Variants in PRKAG2 observed in about 807,000 individuals in gnomAD.
PRKAG2 encodes 5'-AMP-activated protein kinase subunit gamma-2.
A neutral mutation model predicts 69.6 loss-of-function variants in PRKAG2; 26 were observed. The ratio of observed to expected loss-of-function variants is 0.37; its 90% CI spans 0.27 to 0.52. PRKAG2 has a LOEUF of 0.52. Ranked by LOEUF, PRKAG2 falls within the 20% of genes least tolerant of loss-of-function variation. The pLI, the probability that PRKAG2 is intolerant of heterozygous loss-of-function variation, is 0.90. For missense variants in PRKAG2, 557 were observed against 740.0 expected (o/e 0.75, Z 2.87); for synonymous variants, 293 against 285.0 (o/e 1.03, Z -0.28).
At chr7:151,624,884 G>A (rs1202034208) in intron 5 of PRKAG2, among the ~76,000 whole-genome samples, 1 of 152,164 alleles carries the variant, frequency 6.6e-6, no homozygotes, top group Non-Finnish European at 1.5e-5. Context: ...AATGCCTTAT[G>A]TCTTTGTAAG....
At chr7:151,819,382 C>T (rs577144928) in intron 1 of PRKAG2, among the ~76,000 whole-genome samples, 1 of 152,328 alleles carries the variant, frequency 6.6e-6, no homozygotes, top group African/African-American at 2.4e-5. Context: ...CTTTTGTTGT[C>T]ATAGGCCACC....
rs531668181 is a variant in PRKAG2 at position 151,857,510 on chromosome 7, C to T, written c.114+18997G>A. On this transcript the variant is annotated intron_variant, in intron 1 of 15. Transcript: ENST00000287878. ...ACGCATTTTCTCGGGTTGCATGCTGCCTTCCGGCACCATCTGTCTGTTCAG... is the reference window on the plus strand; with the variant it reads ...ACGCATTTTCTCGGGTTGCATGCTGTCTTCCGGCACCATCTGTCTGTTCAG... Among the ~76,000 whole-genome samples, 7 of 152,342 alleles carry T rather than the reference C, an allele frequency of 4.6e-5. No individual in the cohort carries two copies. In the South Asian group the frequency reaches 1.0e-3, roughly 23 times the overall value.
intron 3 of PRKAG2, among the ~76,000 whole-genome samples, chr7:151,724,702 C>T (rs1226713843): frequency 6.6e-6 from 1 of 152,168 alleles, no homozygotes; most frequent in African/African-American, 2.4e-5. Flanking sequence ...AGCTTGCACA[C>T]TCCCTAGCCG....
intron 1 of PRKAG2, among the ~76,000 whole-genome samples, chr7:151,843,625 T>C (rs1432477652): frequency 3.3e-5 from 5 of 152,226 alleles, no homozygotes; most frequent in Non-Finnish European, 1.5e-5. Context: ...GTGTTTGTTC[T>C]AGGATCTGGT....
chr7:151,698,499 T>G (rs1285421142), intron 3 of PRKAG2, among the ~76,000 whole-genome samples: 1 of 152,104 alleles, frequency 6.6e-6, no homozygotes, highest in Non-Finnish European at 1.5e-5. Flanking sequence ...CTCGTGGTAG[T>G]GAATGAGTTC....
chr7:151,861,527 C>CAA (rs1563762540), intron 1 of PRKAG2, among the ~76,000 whole-genome samples: 611 of 60,362 alleles, frequency 0.01, 21 homozygotes, highest in Non-Finnish European at 0.013. Flanking sequence ...GACTCTGTCT[C>CAA]CAAAAAAAAA....
intron 6 of PRKAG2, among the ~76,000 whole-genome samples, chr7:151,584,745 T>A (rs1362737287): frequency 6.6e-6 from 1 of 151,850 alleles, no homozygotes; most frequent in Admixed American, 6.6e-5. Flanking sequence ...AAAAATAAAA[T>A]AATTAACTGA....
At chr7:151,579,759 G>A (rs1344946235) in intron 6 of PRKAG2, among the ~76,000 whole-genome samples, 5 of 151,988 alleles carry the variant, frequency 3.3e-5, no homozygotes, top group Admixed American at 1.3e-4. Context: ...ACCTAAGCAC[G>A]TCATAGACAA....
chr7:151,742,634 A>AT (rs1293148562), intron 3 of PRKAG2, among the ~76,000 whole-genome samples: 3 of 150,212 alleles, frequency 2.0e-5, no homozygotes, highest in Non-Finnish European at 3.0e-5. Context: ...ACAAAAAAAA[A>AT]AAAAATAAAA....
chr7:151,851,341 C>CAA lies in PRKAG2; in HGVS notation c.114+25164_114+25165dup, dbSNP rs968504142. ...AGACTGGCGAGTTTGGGGCCTCTGGCAAAAAAAAAAAAGAAAAAAAAAAAT... is the reference window on the plus strand; with the variant it reads ...AGACTGGCGAGTTTGGGGCCTCTGGCAAAAAAAAAAAAAAGAAAAAAAAAAAT... On this transcript the variant is annotated intron_variant, in intron 1 of 15. Coordinates refer to ENST00000287878, the MANE Select transcript of PRKAG2 (RefSeq NM_016203.4). Among the ~76,000 whole-genome samples the CAA allele has an allele frequency of 4.1e-3, 467 of 114,568 alleles. 2 individuals carry two copies. The highest frequency in any genetic ancestry group is 0.015 in the African/African-American group (438 of 29,786). 75.2% of individuals were successfully genotyped at this position (114,568 alleles called of 152,430 possible).
At chr7:151,793,105 C>T (rs1303140642) in intron 1 of PRKAG2, among the ~76,000 whole-genome samples, 2 of 152,212 alleles carry the variant, frequency 1.3e-5, no homozygotes, top group Non-Finnish European at 2.9e-5. Context: ...CTGAAGCGGA[C>T]AACAATAGGC....
At chr7:151,808,812 A>T (rs1022312511) in intron 1 of PRKAG2, among the ~76,000 whole-genome samples, 1 of 152,064 alleles carries the variant, frequency 6.6e-6, no homozygotes, top group African/African-American at 2.4e-5. Context: ...GCAGCCAGGG[A>T]GGAGCAGCTG....
chr7:151,609,125 A>C (rs919932522), intron 5 of PRKAG2, among the ~76,000 whole-genome samples: 8 of 152,240 alleles, frequency 5.3e-5, no homozygotes, highest in African/African-American at 1.7e-4. Flanking sequence ...AGACAAAAAA[A>C]TGCAGTTGAA....
At chr7:151,844,801 AAGTAAAGGCTC>A (rs1362377435) in intron 1 of PRKAG2, among the ~76,000 whole-genome samples, 2 of 152,206 alleles carry the variant, frequency 1.3e-5, no homozygotes. Context: ...GCCCGGCACA[AAGTAAAGGCTC>A]AGTAAGTATT....
intron 1 of PRKAG2, among the ~76,000 whole-genome samples, chr7:151,804,031 C>A (rs141226829): frequency 6.6e-6 from 1 of 152,108 alleles, no homozygotes; most frequent in Non-Finnish European, 1.5e-5. Flanking sequence ...CCAGCCATGC[C>A]ATGTCCCCAG....
At chr7:151,763,960 G>A (rs1001855125) in intron 3 of PRKAG2, among the ~76,000 whole-genome samples, 8 of 152,216 alleles carry the variant, frequency 5.3e-5, no homozygotes, top group Admixed American at 2.0e-4. Context: ...CTCCTTGTGC[G>A]TCTCTACAGG....
intron 1 of PRKAG2, among the ~76,000 whole-genome samples, chr7:151,832,238 AGG>A (rs2079045510): frequency 1.2e-4 from 2 of 17,038 alleles, no homozygotes; most frequent in South Asian, 3.8e-3. Context: ...GAAGGAGAGG[AGG>A]AGGGAAGGAA....
chr7:151,752,214 C>T (rs564750664), intron 3 of PRKAG2, among the ~76,000 whole-genome samples: 20 of 152,282 alleles, frequency 1.3e-4, no homozygotes, highest in African/African-American at 3.9e-4. Context: ...CGGAATATTA[C>T]ACAGCCATAA....
chr7:151,606,077 T>C (rs1418615379), intron 5 of PRKAG2, among the ~76,000 whole-genome samples: 1 of 152,022 alleles, frequency 6.6e-6, no homozygotes, highest in African/African-American at 2.4e-5. Flanking sequence ...TAATTTTAAA[T>C]AGAGATGAGG....
Sources: allele counts gnomAD v4.1 joint callset (sites outside exome capture counted in the v4.1 genomes callset), GRCh38; gene constraint gnomAD v4.1.1; transcripts MANE v1.5; gene names NCBI Gene and HGNC (gene_info 2026-07-23, HGNC 2026-07-21).